Variants in SLC22A15 observed in about 807,000 individuals in gnomAD.
The protein encoded by SLC22A15 is flipt 1.
A neutral mutation model predicts 62.7 loss-of-function variants in SLC22A15; 45 were observed. The observed-to-expected ratio is 0.72, with a 90% CI of 0.56 to 0.92. The LOEUF (loss-of-function observed/expected upper bound fraction) is 0.92, where lower values mean the gene tolerates loss of function less well. Ranked by LOEUF, SLC22A15 falls within the 40% of genes least tolerant of loss-of-function variation. SLC22A15 has a pLI of 0.00. For missense variants in SLC22A15, 622 were observed against 665.6 expected (o/e 0.93, Z 0.72); for synonymous variants, 264 against 267.0 (o/e 0.99, Z 0.11).
chr1:115,986,717 G>T (rs189353185), intron 1 of SLC22A15, among the ~76,000 whole-genome samples: 3 of 152,192 alleles, frequency 2.0e-5, no homozygotes, highest in African/African-American at 7.2e-5. Flanking sequence ...CAGACTTAGG[G>T]AGTCACATTA....
intron 2 of SLC22A15, among the ~76,000 whole-genome samples, chr1:116,010,391 A>G (rs1012821291): frequency 5.3e-5 from 8 of 152,196 alleles, no homozygotes; most frequent in Non-Finnish European, 1.2e-4. Context: ...AATTCACTGC[A>G]ATTAATTGCT....
chr1:116,057,282 T>G (rs1391222889), intron 8 of SLC22A15, among the ~76,000 whole-genome samples: 4 of 152,108 alleles, frequency 2.6e-5, no homozygotes, highest in African/African-American at 9.7e-5. Flanking sequence ...AAGACATTTA[T>G]GTAGCCAACA....
chr1:116,054,511 A>G (rs943784997), intron 8 of SLC22A15, among the ~76,000 whole-genome samples: 8 of 152,144 alleles, frequency 5.3e-5, no homozygotes, highest in African/African-American at 7.2e-5. Flanking sequence ...CAGAAAGTTA[A>G]ACAAGGATAC....
chr1:116,016,501 C>G (rs1436273136), intron 2 of SLC22A15, among the ~76,000 whole-genome samples: 9 of 152,158 alleles, frequency 5.9e-5, no homozygotes, highest in African/African-American at 1.7e-4. Flanking sequence ...TGCTGGGATA[C>G]AGGCGTAGCC....
chr1:116,031,831 A>T (rs1657415973), intron 6 of SLC22A15: 2 of 1,338,804 alleles, frequency 1.5e-6, no homozygotes, highest in Non-Finnish European at 1.9e-6. Context: ...CATCAGAAGC[A>T]CATCTTTGCT....
chr1:116,010,973 G>A (rs1291012386), intron 2 of SLC22A15, among the ~76,000 whole-genome samples: 1 of 152,230 alleles, frequency 6.6e-6, no homozygotes, highest in Non-Finnish European at 1.5e-5. Context: ...CAACCAGGGT[G>A]ACCTGCCCTT....
chr1:116,050,330 T>A (rs1439786549), intron 8 of SLC22A15, among the ~76,000 whole-genome samples: 2 of 152,076 alleles, frequency 1.3e-5, no homozygotes, highest in African/African-American at 4.8e-5. Context: ...ATGAACATAG[T>A]TGCTAAAATC....
At position 116,061,597 on chromosome 1, in the gene SLC22A15, AGT is replaced by A. The variant is rs1288635108; in HGVS notation, c.1172-1163_1172-1162del. ...GAATGGCAGGAAGTACAACAGAGTC[AGT>A]GAGAACTTTTTTGCCTCATAAGAAG... is the stretch of plus-strand genomic sequence containing the variant. On this transcript the variant is annotated intron_variant, in intron 8 of 11. Coordinates refer to ENST00000369503, the MANE Select transcript of SLC22A15 (RefSeq NM_018420.3). 2.0e-5 allele frequency among the ~76,000 whole-genome samples: 3 copies of A among 152,104 alleles called. No individual in the cohort carries two copies. In the East Asian group the frequency reaches 5.8e-4, roughly 29 times the overall value.
intron 1 of SLC22A15, among the ~76,000 whole-genome samples, chr1:115,989,931 T>A (rs1655067763): frequency 6.6e-6 from 1 of 152,232 alleles, no homozygotes; most frequent in Non-Finnish European, 1.5e-5. Context: ...GGCCCTGGGT[T>A]ATTTGCTTTG....
intron 1 of SLC22A15, among the ~76,000 whole-genome samples, chr1:115,986,193 T>C (rs1017560170): frequency 1.3e-5 from 2 of 152,074 alleles, no homozygotes. Flanking sequence ...GTTACTAGTT[T>C]TTTTTTCATC....
intron 10 of SLC22A15, 72 bp downstream of exon 10, chr1:116,064,580 A>G: frequency 1.0e-6 from 1 of 996,260 alleles, no homozygotes; most frequent in Non-Finnish European, 1.6e-6. Context: ...TTTAGTAGAA[A>G]GAGGTGATGA....
At chr1:116,032,629 T>A in intron 6 of SLC22A15, 1 of 985,384 alleles carries the variant, frequency 1.0e-6, no homozygotes, top group Non-Finnish European at 1.2e-6. Context: ...GTTAACCAAC[T>A]GCTGCTTTCC....
chr1:115,992,611 C>CT lies in SLC22A15; in HGVS notation c.300+375dup, dbSNP rs1427984149. On this transcript the variant is annotated intron_variant, in intron 2 of 11. Transcript: ENST00000369503. ...CGATTCATATATAACACCCATAGTT[C>CT]TTTTTTTCTTTTCTTTTTTTTTTTT... Among the ~76,000 whole-genome samples, 7 of 142,008 alleles carry CT rather than the reference C, an allele frequency of 4.9e-5. No homozygotes were observed. In the East Asian group the frequency reaches 1.4e-3, roughly 29 times the overall value. The allele number at this position is 142,008 out of a possible 152,430, so 93.2% of individuals were successfully genotyped here. A position where few individuals can be genotyped will look rare whatever the true frequency, so the allele number is the denominator to read the frequency against.
intron 4 of SLC22A15, among the ~76,000 whole-genome samples, chr1:116,026,425 C>CAA (rs954140194): frequency 7.6e-6 from 1 of 131,000 alleles, no homozygotes; most frequent in African/African-American, 2.8e-5. Context: ...GATTCTGTCT[C>CAA]AAAAAAAAAA....
At chr1:115,986,813 A>G (rs1385890768) in intron 1 of SLC22A15, among the ~76,000 whole-genome samples, 1 of 152,194 alleles carries the variant, frequency 6.6e-6, no homozygotes, top group African/African-American at 2.4e-5. Flanking sequence ...GACACTGAAG[A>G]TGGGTTAATA....
chr1:116,043,441 A>G (rs1296781929), intron 8 of SLC22A15, among the ~76,000 whole-genome samples: 1 of 152,120 alleles, frequency 6.6e-6, no homozygotes, highest in Non-Finnish European at 1.5e-5. Flanking sequence ...AATATAAAGT[A>G]TACTGTATCA....
intron 8 of SLC22A15, among the ~76,000 whole-genome samples, chr1:116,038,640 A>G (rs978994816): frequency 6.6e-6 from 1 of 152,254 alleles, no homozygotes; most frequent in African/African-American, 2.4e-5. Flanking sequence ...GGAACTCCCC[A>G]GCTATTGCCC....
In SLC22A15 at chr1:116,031,494, A is replaced by T; in HGVS notation, c.857A>T (p.Asn286Ile). The change falls in exon 6 of 12, where the codon AAC (asparagine) becomes ATC (isoleucine). Residue 286 changes from asparagine (N) to isoleucine (I), a missense_variant. Physicochemically the swap from Asn to Ile is moderately radical, Grantham distance 149. Coordinates refer to ENST00000369503, the MANE Select transcript of SLC22A15 (RefSeq NM_018420.3). ...ACGTTCTCACTAACACACCCAGCCAACAGGAGCTGCAGGGAGACTGGAAGT... is the reference window on the plus strand; with the variant it reads ...ACGTTCTCACTAACACACCCAGCCATCAGGAGCTGCAGGGAGACTGGAAGT... ...KCTFSLTHPA[N>I]RSCRETGSFL... 1 of 1,613,994 alleles carries T rather than the reference A, an allele frequency of 6.2e-7. No individual in the cohort carries two copies. Among genetic ancestry groups the T allele is most frequent in the Non-Finnish European group, 8.5e-7 (1 of 1,179,864 alleles).
chr1:115,981,337 C>T (rs1654599683), intron 1 of SLC22A15, among the ~76,000 whole-genome samples: 1 of 152,202 alleles, frequency 6.6e-6, no homozygotes, highest in African/African-American at 2.4e-5. Context: ...GGCCATTTAC[C>T]AGGGCTCTCT....
Sources: allele counts gnomAD v4.1 joint callset (sites outside exome capture counted in the v4.1 genomes callset), GRCh38; gene constraint gnomAD v4.1.1; transcripts MANE v1.5; gene names NCBI Gene and HGNC (gene_info 2026-07-23, HGNC 2026-07-21).